The following FBXO4 variants were observed in gnomAD, a reference collection of about 807,000 sequenced individuals.
FBXO4 encodes F-box protein 4, also known as F-box only protein 4.
In FBXO4, 36 loss-of-function variants were observed where a neutral mutation model predicts 43.7. The ratio of observed to expected loss-of-function variants is 0.82; its 90% CI spans 0.63 to 1.09. FBXO4 has a LOEUF of 1.09. Ranked by LOEUF, FBXO4 falls within the 50% of genes least tolerant of loss-of-function variation. The pLI is 0.00. For synonymous variants in FBXO4, 180 were observed against 165.6 expected, an observed-to-expected ratio of 1.09 and a Z score of -0.67; for missense variants, 435 against 474.1, an observed-to-expected ratio of 0.92 and a Z score of 0.77.
chr5:42,009,820 C>T, the FBXO4 span, among the ~76,000 whole-genome samples: 2 of 152,166 alleles, frequency 1.3e-5, no homozygotes, highest in Non-Finnish European at 2.9e-5. Flanking sequence ...AGATTAGTGG[C>T]ACTAAGAACA....
At chr5:41,993,560 A>G in the FBXO4 span, among the ~76,000 whole-genome samples, 6 of 151,366 alleles carry the variant, frequency 4.0e-5, no homozygotes, top group African/African-American at 1.5e-4. Flanking sequence ...TTCATCCCAT[A>G]TAACTGAAAC....
chr5:42,030,902 A>C, the FBXO4 span, among the ~76,000 whole-genome samples: 1 of 152,210 alleles, frequency 6.6e-6, no homozygotes, highest in African/African-American at 2.4e-5. Flanking sequence ...TCAAAACCAC[A>C]ATGAGATACC....
chr5:42,006,223 C>A, the FBXO4 span, among the ~76,000 whole-genome samples: 2 of 152,086 alleles, frequency 1.3e-5, no homozygotes, highest in Non-Finnish European at 2.9e-5. Context: ...ACTGACATTT[C>A]CTCTTAATAT....
the FBXO4 span, among the ~76,000 whole-genome samples, chr5:41,973,524 A>T: frequency 6.6e-6 from 1 of 151,878 alleles, no homozygotes; most frequent in East Asian, 1.9e-4. Context: ...AAAAAATAAT[A>T]AAAAAAACTA....
the FBXO4 span, among the ~76,000 whole-genome samples, chr5:41,982,056 A>G: frequency 6.6e-6 from 1 of 152,068 alleles, no homozygotes; most frequent in African/African-American, 2.4e-5. Flanking sequence ...AGCTTCATCC[A>G]TGTCCCTACA....
intron 5 of FBXO4, among the ~76,000 whole-genome samples, chr5:41,937,924 C>T (rs1470456172): frequency 6.6e-6 from 1 of 152,254 alleles, no homozygotes; most frequent in African/African-American, 2.4e-5. Context: ...TCCTGCAACA[C>T]TCTTGCATTG....
At chr5:41,950,957 C>G in the FBXO4 span, among the ~76,000 whole-genome samples, 3 of 152,260 alleles carry the variant, frequency 2.0e-5, no homozygotes, top group Non-Finnish European at 4.4e-5. Context: ...CAAACTAACA[C>G]AAGAACAGAA....
chr5:41,988,412 C>T, the FBXO4 span, among the ~76,000 whole-genome samples: 1 of 152,120 alleles, frequency 6.6e-6, no homozygotes, highest in Non-Finnish European at 1.5e-5. Context: ...ATTCATTTTT[C>T]CTTTCCCCTG....
chr5:42,039,277 CT>C, the FBXO4 span, among the ~76,000 whole-genome samples: 1 of 152,040 alleles, frequency 6.6e-6, no homozygotes, highest in Non-Finnish European at 1.5e-5. Flanking sequence ...TATTTGTCCT[CT>C]AGATTTGCTG....
the FBXO4 span, chr5:41,967,654 A>G: frequency 3.9e-6 from 3 of 778,054 alleles, no homozygotes; most frequent in Admixed American, 5.5e-5. Flanking sequence ...TTTCCCACAC[A>G]CTGCATGGAG....
At chr5:42,014,474 A>G in the FBXO4 span, among the ~76,000 whole-genome samples, 2 of 152,258 alleles carry the variant, frequency 1.3e-5, no homozygotes, top group South Asian at 4.2e-4. Flanking sequence ...CAAACTATAT[A>G]GGCATTTTAG....
intron 4 of FBXO4, 28 bp downstream of exon 4, chr5:41,934,049 T>C: frequency 6.2e-7 from 1 of 1,611,632 alleles, no homozygotes; most frequent in African/African-American, 1.3e-5. Flanking sequence ...GTGGCTTAAC[T>C]GAAACATCAG....
chr5:42,011,502 G>A, the FBXO4 span, among the ~76,000 whole-genome samples: 8 of 152,224 alleles, frequency 5.3e-5, no homozygotes, highest in South Asian at 1.7e-3. Flanking sequence ...CCCAGCTTCA[G>A]GTATTCTGTT....
At chr5:41,939,837 T>A (rs1220769571) in intron 6 of FBXO4, among the ~76,000 whole-genome samples, 2 of 107,376 alleles carry the variant, frequency 1.9e-5, no homozygotes, top group East Asian at 4.2e-4. Context: ...ATTGGGGATT[T>A]TTTTTTTTTT....
chr5:41,977,031 G>A, the FBXO4 span, among the ~76,000 whole-genome samples: 1 of 152,144 alleles, frequency 6.6e-6, no homozygotes, highest in African/African-American at 2.4e-5. Flanking sequence ...AGCTGTACCT[G>A]GGTCCTGTTG....
chr5:42,008,527 T>C, the FBXO4 span, among the ~76,000 whole-genome samples: 1 of 152,158 alleles, frequency 6.6e-6, no homozygotes, highest in Non-Finnish European at 1.5e-5. Flanking sequence ...TGACCCCTGC[T>C]CCTCTGTGCC....
chr5:41,993,147 T>C, the FBXO4 span, among the ~76,000 whole-genome samples: 1 of 152,220 alleles, frequency 6.6e-6, no homozygotes, highest in African/African-American at 2.4e-5. Context: ...CAAATATTTG[T>C]TGAGCATCTG....
chr5:41,949,767 A>T, the FBXO4 span, among the ~76,000 whole-genome samples: 5 of 152,212 alleles, frequency 3.3e-5, no homozygotes, highest in Non-Finnish European at 5.9e-5. Context: ...GACAATCCCA[A>T]GCAAAAAGAA....
At chr5:42,032,308 C>T in the FBXO4 span, among the ~76,000 whole-genome samples, 3 of 152,138 alleles carry the variant, frequency 2.0e-5, no homozygotes, top group African/African-American at 7.2e-5. Flanking sequence ...CCTATGTCCT[C>T]CCCTGCAGTC....
Sources: allele counts gnomAD v4.1 joint callset (sites outside exome capture counted in the v4.1 genomes callset), GRCh38; gene constraint gnomAD v4.1.1; transcripts MANE v1.5; gene names NCBI Gene and HGNC (gene_info 2026-07-23, HGNC 2026-07-21).